The following ZNG1B variants were observed in gnomAD, a reference collection of about 807,000 sequenced individuals.
ZNG1B encodes Zn regulated GTPase metalloprotein activator 1B, also known as zinc-regulated GTPase metalloprotein activator 1B.
chr2:113,446,679 G>A, the ZNG1B span, among the ~76,000 whole-genome samples: 4 of 150,906 alleles, frequency 2.7e-5, no homozygotes, highest in South Asian at 4.2e-4. Flanking sequence ...GCTGGGAGGC[G>A]GAGGTTGCGG....
the ZNG1B span, chr2:113,462,803 G>A: frequency 1.1e-5 from 5 of 457,360 alleles, no homozygotes; most frequent in Admixed American, 3.9e-5. Flanking sequence ...CTTTACCCAG[G>A]ATGGTTAATT....
chr2:113,474,878 T>C, the ZNG1B span, among the ~76,000 whole-genome samples: 3 of 150,916 alleles, frequency 2.0e-5, no homozygotes, highest in Non-Finnish European at 4.5e-5. Flanking sequence ...TTCTGTTCTT[T>C]TACATTTGCT....
At chr2:113,466,532 A>G in the ZNG1B span, 1 of 974,934 alleles carries the variant, frequency 1.0e-6, no homozygotes, top group Non-Finnish European at 1.2e-6. Flanking sequence ...TGGATGAGTG[A>G]GCAAGTGACT....
At chr2:113,462,540 T>G in the ZNG1B span, 397 of 1,570,464 alleles carry the variant, frequency 2.5e-4, 6 homozygotes, top group South Asian at 4.2e-3. Flanking sequence ...CCATGTTGTA[T>G]ACACAGAATA....
At chr2:113,438,427 C>G in the ZNG1B span, among the ~76,000 whole-genome samples, 1 of 152,122 alleles carries the variant, frequency 6.6e-6, no homozygotes, top group African/African-American at 2.4e-5. Flanking sequence ...AAGGATGTCC[C>G]GTCTGTAAAA....
the ZNG1B span, chr2:113,470,953 G>A: frequency 1.9e-6 from 3 of 1,570,914 alleles, no homozygotes; most frequent in East Asian, 4.5e-5. Context: ...AATTTTTTAA[G>A]AGTCAGAGTT....
chr2:113,475,624 G>C, the ZNG1B span, among the ~76,000 whole-genome samples: 1 of 151,926 alleles, frequency 6.6e-6, no homozygotes, highest in African/African-American at 2.4e-5. Flanking sequence ...GCAGTGGCTG[G>C]TACCGGTTGT....
chr2:113,470,570 G>A, the ZNG1B span: 16 of 202,882 alleles, frequency 7.9e-5, no homozygotes, highest in Admixed American at 4.3e-4. Context: ...GGGTCCTAGA[G>A]TAACTTAATA....
the ZNG1B span, among the ~76,000 whole-genome samples, chr2:113,464,624 G>T: frequency 6.6e-6 from 1 of 151,254 alleles, no homozygotes; most frequent in Non-Finnish European, 1.5e-5. Flanking sequence ...ATTCTATAAA[G>T]GAACCTGGGA....
At chr2:113,472,736 A>G in the ZNG1B span, among the ~76,000 whole-genome samples, 1 of 151,726 alleles carries the variant, frequency 6.6e-6, no homozygotes, top group African/African-American at 2.4e-5. Context: ...CATTTATTAA[A>G]TAGGGAATCC....
the ZNG1B span, among the ~76,000 whole-genome samples, chr2:113,445,843 G>A: frequency 7.2e-6 from 1 of 138,332 alleles, no homozygotes; most frequent in South Asian, 2.3e-4. Context: ...GGGGCGATTT[G>A]TAAAACTATA....
At chr2:113,442,966 G>C in the ZNG1B span, among the ~76,000 whole-genome samples, 5 of 150,788 alleles carry the variant, frequency 3.3e-5, no homozygotes, top group Non-Finnish European at 4.4e-5. Context: ...TTGACTAAAA[G>C]TTTAGGTTTT....
At chr2:113,481,969 G>A in the ZNG1B span, 1 of 814,806 alleles carries the variant, frequency 1.2e-6, no homozygotes, top group Non-Finnish European at 1.9e-6. Flanking sequence ...ATATATGAAT[G>A]TGTGGGTTTT....
chr2:113,454,636 G>C, the ZNG1B span: 1 of 1,021,936 alleles, frequency 9.8e-7, no homozygotes, highest in Non-Finnish European at 1.4e-6. Context: ...AGTAGTATTT[G>C]TGAACTGAAA....
At chr2:113,472,063 A>T in the ZNG1B span, among the ~76,000 whole-genome samples, 2 of 148,312 alleles carry the variant, frequency 1.3e-5, no homozygotes, top group Admixed American at 1.3e-4. Context: ...CGCCACACTG[A>T]CTTCCACAAT....
the ZNG1B span, among the ~76,000 whole-genome samples, chr2:113,476,497 G>A: frequency 6.7e-6 from 1 of 149,742 alleles, no homozygotes; most frequent in Admixed American, 6.7e-5. Context: ...GCTCGTCAAA[G>A]TCATTCTCCC....
the ZNG1B span, among the ~76,000 whole-genome samples, chr2:113,466,988 C>T: frequency 2.1e-5 from 3 of 145,934 alleles, no homozygotes; most frequent in African/African-American, 5.1e-5. Context: ...GGCGTGAACC[C>T]GGGAGGCGGA....
the ZNG1B span, chr2:113,438,080 G>A: frequency 1.8e-5 from 29 of 1,608,616 alleles, no homozygotes; most frequent in Admixed American, 1.5e-4. Context: ...GGATTTTGCG[G>A]GCTGCCGGTG....
At chr2:113,460,787 C>T in the ZNG1B span, 1 of 1,563,504 alleles carries the variant, frequency 6.4e-7, no homozygotes, top group South Asian at 1.2e-5. Context: ...AAGATGAAAA[C>T]CAAAAACAAA....
Sources: allele counts gnomAD v4.1 joint callset (sites outside exome capture counted in the v4.1 genomes callset), GRCh38; gene constraint gnomAD v4.1.1; transcripts MANE v1.5; gene names NCBI Gene and HGNC (gene_info 2026-07-23, HGNC 2026-07-21).